The following CHRM3 variants were observed in gnomAD, a reference collection of about 807,000 sequenced individuals.
The protein encoded by CHRM3 is cholinergic receptor muscarinic 3, also known as muscarinic acetylcholine receptor M3.
A neutral mutation model predicts 41.8 loss-of-function variants in CHRM3; 11 were observed. That is an observed-to-expected ratio of 0.26 (90% CI 0.17 to 0.44). The LOEUF (loss-of-function observed/expected upper bound fraction) is 0.44. CHRM3 is among the 20% of genes least tolerant of loss of function. The probability of loss-of-function intolerance (pLI) is 1.00; values close to 1 mark genes in which losing one functional copy is unlikely to be tolerated. For synonymous variants in CHRM3, 297 were observed against 301.4 expected (o/e 0.99, Z 0.15); for missense variants, 571 against 745.4 (o/e 0.77, Z 2.72).
chr1:239,637,993 A>G (rs1670674891), intron 4 of CHRM3, among the ~76,000 whole-genome samples: 1 of 139,260 alleles, frequency 7.2e-6, no homozygotes, highest in Non-Finnish European at 1.5e-5. Flanking sequence ...ATTCCCACCT[A>G]TGAGTGAGAA....
intron 6 of CHRM3, among the ~76,000 whole-genome samples, chr1:239,830,004 G>A (rs1291643392): frequency 1.3e-5 from 2 of 152,142 alleles, no homozygotes; most frequent in Non-Finnish European, 2.9e-5. Flanking sequence ...AAATCTCTGC[G>A]ATTATTTCAA....
At chr1:239,404,422 G>A (rs1660360136) in intron 1 of CHRM3, among the ~76,000 whole-genome samples, 2 of 90,844 alleles carry the variant, frequency 2.2e-5, no homozygotes, top group Admixed American at 1.2e-4. Context: ...AAGAAAGAAA[G>A]AAAGAAAGAA....
intron 6 of CHRM3, among the ~76,000 whole-genome samples, chr1:239,853,171 T>C (rs1674840207): frequency 6.6e-6 from 1 of 151,940 alleles, no homozygotes; most frequent in Non-Finnish European, 1.5e-5. Context: ...GTGTTGGTCT[T>C]ATCCTATGAG....
At chr1:239,751,238 C>CA (rs11298801) in intron 5 of CHRM3, among the ~76,000 whole-genome samples, 4,218 of 70,746 alleles carry the variant, frequency 0.06, 87 homozygotes, top group East Asian at 0.12. Context: ...AACTTCATCT[C>CA]AAAAAAAAAA....
intron 1 of CHRM3, among the ~76,000 whole-genome samples, chr1:239,396,932 A>C (rs567882492): frequency 3.9e-5 from 6 of 152,346 alleles, no homozygotes; most frequent in Admixed American, 3.9e-4. Context: ...AACTGCATAA[A>C]AACCAATCTG....
At chr1:239,632,018 T>G (rs1302082657) in intron 3 of CHRM3, among the ~76,000 whole-genome samples, 1 of 152,182 alleles carries the variant, frequency 6.6e-6, no homozygotes, top group African/African-American at 2.4e-5. Flanking sequence ...CAGTGACGGG[T>G]ACCTTAACTT....
chr1:239,870,468 G>A (rs750701463), intron 6 of CHRM3, among the ~76,000 whole-genome samples: 1 of 152,124 alleles, frequency 6.6e-6, no homozygotes, highest in African/African-American at 2.4e-5. Flanking sequence ...ACCCCTTCCC[G>A]GGAGCGCTAG....
rs67460907 is a variant in CHRM3 at position 239,793,803 on chromosome 1, A to ATTTTTTTTTTTTTTTTTTT, written c.-146-33442_-146-33424dup. 3.9e-4 allele frequency among the ~76,000 whole-genome samples: 27 copies of ATTTTTTTTTTTTTTTTTTT among 69,492 alleles called. 4 individuals carry two copies. Among genetic ancestry groups the ATTTTTTTTTTTTTTTTTTT allele is most frequent in the African/African-American group, 1.5e-3 (24 of 16,146 alleles). The allele number at this position is 69,492 out of a possible 152,430, so 45.6% of individuals were successfully genotyped here. A position where few individuals can be genotyped will look rare whatever the true frequency, so the allele number is the denominator to read the frequency against. ...TGAACTTGTCAGAAATGAAATGTGT[A>ATTTTTTTTTTTTTTTTTTT]TTTTTTTTTTTTTTTTTTTTTTTTT... On this transcript the variant is annotated intron_variant, in intron 5 of 6. Transcript: ENST00000676153.
intron 5 of CHRM3, among the ~76,000 whole-genome samples, chr1:239,745,630 C>G (rs1665284691): frequency 6.6e-6 from 1 of 152,044 alleles, no homozygotes; most frequent in Non-Finnish European, 1.5e-5. Context: ...TCTCCTAATG[C>G]TGTCCGTCTC....
At chr1:239,817,966 GAATTAGACGAGCT>G (rs1671732618) in intron 5 of CHRM3, among the ~76,000 whole-genome samples, 1 of 152,188 alleles carries the variant, frequency 6.6e-6, no homozygotes, top group Admixed American at 6.5e-5. Context: ...CAGGCTTTGA[GAATTAGACGAGCT>G]AATAGTATGC....
At chr1:239,644,660 A>C (rs1329636852) in intron 4 of CHRM3, among the ~76,000 whole-genome samples, 1 of 152,214 alleles carries the variant, frequency 6.6e-6, no homozygotes, top group Admixed American at 6.5e-5. Context: ...AGAGATGAGA[A>C]GAAAGCCGGA....
At chr1:239,881,667 G>A (rs564487643) in intron 6 of CHRM3, among the ~76,000 whole-genome samples, 99 of 152,214 alleles carry the variant, frequency 6.5e-4, no homozygotes, top group African/African-American at 2.3e-3. Context: ...TGCTTCCTAT[G>A]CCCTTTGAAT....
intron 4 of CHRM3, among the ~76,000 whole-genome samples, chr1:239,644,679 T>C (rs1489876307): frequency 6.6e-6 from 1 of 152,166 alleles, no homozygotes; most frequent in Non-Finnish European, 1.5e-5. Context: ...GAGTGGACTC[T>C]TTGACACTGT....
At chr1:239,412,565 AGG>A (rs1261059078) in intron 1 of CHRM3, among the ~76,000 whole-genome samples, 1 of 151,164 alleles carries the variant, frequency 6.6e-6, no homozygotes, top group Non-Finnish European at 1.5e-5. Flanking sequence ...GCTGGTTATC[AGG>A]AAGATGAAAT....
At chr1:239,660,177 C>T (rs942743645) in intron 4 of CHRM3, among the ~76,000 whole-genome samples, 6 of 152,048 alleles carry the variant, frequency 3.9e-5, no homozygotes, top group African/African-American at 1.2e-4. Flanking sequence ...AGATGGGGTT[C>T]TCACTAATTT....
chr1:239,561,681 T>C (rs968823315), intron 3 of CHRM3, among the ~76,000 whole-genome samples: 2 of 151,958 alleles, frequency 1.3e-5, no homozygotes, highest in East Asian at 1.9e-4. Flanking sequence ...TAATACCATC[T>C]ATTAATAGAT....
At chr1:239,615,590 C>T (rs1273872754) in intron 3 of CHRM3, among the ~76,000 whole-genome samples, 2 of 152,148 alleles carry the variant, frequency 1.3e-5, no homozygotes, top group Non-Finnish European at 2.9e-5. Context: ...TTTGTAGGAA[C>T]TTCATCTGTA....
At chr1:239,465,932 C>T (rs572863258) in intron 1 of CHRM3, among the ~76,000 whole-genome samples, 9 of 152,220 alleles carry the variant, frequency 5.9e-5, no homozygotes, top group African/African-American at 1.9e-4. Flanking sequence ...TCCTCCTCGG[C>T]CTACTCAACA....
At chr1:239,824,859 T>C (rs1286250518) in intron 5 of CHRM3, among the ~76,000 whole-genome samples, 1 of 152,212 alleles carries the variant, frequency 6.6e-6, no homozygotes, top group Non-Finnish European at 1.5e-5. Flanking sequence ...CTTAAAGTAT[T>C]TCAGATCCAA....
Sources: gnomAD v4.1 joint callset for allele counts (sites outside exome capture counted in the v4.1 genomes callset) on GRCh38, gnomAD v4.1.1 for gene constraint, MANE v1.5 for transcripts, NCBI Gene and HGNC (gene_info 2026-07-23, HGNC 2026-07-21) for gene names.